The following TMEM200A variants were observed in gnomAD, a reference collection of about 807,000 sequenced individuals.
TMEM200A encodes the protein transmembrane protein 200A, also known as two transmembrane C.
In TMEM200A, 12 loss-of-function variants were observed where a neutral mutation model predicts 24.3. The ratio of observed to expected loss-of-function variants is 0.49; its 90% CI spans 0.32 to 0.80. The LOEUF (loss-of-function observed/expected upper bound fraction) is 0.80. Among genes scored for constraint, TMEM200A ranks in the 30% least tolerant of loss-of-function variants. The pLI, the probability that TMEM200A is intolerant of heterozygous loss-of-function variation, is 0.04. For missense variants in TMEM200A, 545 were observed against 614.4 expected (o/e 0.89, Z 1.19); for synonymous variants, 224 against 224.4 (o/e 1.00, Z 0.02).
intron 1 of TMEM200A, among the ~76,000 whole-genome samples, chr6:130,375,060 T>C (rs1778418319): frequency 6.6e-6 from 1 of 152,182 alleles, no homozygotes; most frequent in Non-Finnish European, 1.5e-5. Flanking sequence ...ACAAAAATAA[T>C]TTACAACTAA....
At chr6:130,380,560 T>C (rs1157800232) in intron 1 of TMEM200A, among the ~76,000 whole-genome samples, 3 of 152,218 alleles carry the variant, frequency 2.0e-5, no homozygotes, top group African/African-American at 7.2e-5. Context: ...ACAACTTTTA[T>C]TGGAGGTTGA....
chr6:130,419,174 GTCTT>G (rs1409756204), intron 2 of TMEM200A, among the ~76,000 whole-genome samples: 6 of 152,084 alleles, frequency 3.9e-5, no homozygotes, highest in Non-Finnish European at 7.4e-5. Flanking sequence ...TGCAATATTT[GTCTT>G]TCTGTGCCAG....
At chr6:130,382,305 C>T (rs900490017) in intron 1 of TMEM200A, among the ~76,000 whole-genome samples, 1 of 152,170 alleles carries the variant, frequency 6.6e-6, no homozygotes, top group Admixed American at 6.5e-5. Flanking sequence ...TCCCTTTCGG[C>T]TCGCACTTGC....
At chr6:130,440,338 A>C in intron 2 of TMEM200A, 69 bp from the exon 3 acceptor site, 1 of 1,415,758 alleles carries the variant, frequency 7.1e-7, no homozygotes, top group Admixed American at 2.7e-5. Context: ...ACAGTTGTTT[A>C]ATTGAACTGA....
At chr6:130,384,035 G>A (rs540979927) in intron 1 of TMEM200A, among the ~76,000 whole-genome samples, 46 of 152,166 alleles carry the variant, frequency 3.0e-4, no homozygotes, top group African/African-American at 1.1e-3. Flanking sequence ...CACGAGAATC[G>A]CCTGAACCCA....
At chr6:130,372,771 A>G (rs1000231720) in intron 1 of TMEM200A, among the ~76,000 whole-genome samples, 6 of 152,230 alleles carry the variant, frequency 3.9e-5, no homozygotes, top group Non-Finnish European at 8.8e-5. Flanking sequence ...TTGACTGTGT[A>G]TGTATGTACA....
chr6:130,419,499 G>A (rs1417018206), intron 2 of TMEM200A, among the ~76,000 whole-genome samples: 2 of 152,134 alleles, frequency 1.3e-5, no homozygotes, highest in Admixed American at 1.3e-4. Flanking sequence ...TGTCCATACT[G>A]TTTCGCATAG....
intron 2 of TMEM200A, among the ~76,000 whole-genome samples, chr6:130,406,878 C>A (rs1208029184): frequency 6.6e-6 from 1 of 152,158 alleles, no homozygotes; most frequent in African/African-American, 2.4e-5. Context: ...CTTGTTTGAT[C>A]TCTTGATGGC....
At chr6:130,420,187 GT>G (rs1562566437) in intron 2 of TMEM200A, among the ~76,000 whole-genome samples, 1 of 152,090 alleles carries the variant, frequency 6.6e-6, no homozygotes, top group Non-Finnish European at 1.5e-5. Flanking sequence ...TTAGTAAGTT[GT>G]TTTAATCTCT....
Position 130,397,607 on chromosome 6 carries a change from G to T in TMEM200A, c.-17+12371G>T, listed in dbSNP as rs540835912. On this transcript the variant is annotated intron_variant, in intron 2 of 2. Transcript: ENST00000296978. The stretch of plus-strand genomic sequence containing the variant: ...CATTCTTTTACTTTGTGTCATTTAT[G>T]TTTTAAATTTGTGGTTTTTTTTGAA... 2.7e-4 allele frequency among the ~76,000 whole-genome samples: 41 copies of T among 149,592 alleles called. 1 individual carries two copies. The highest frequency in any genetic ancestry group is 1.9e-4 in the Non-Finnish European group (13 of 67,758).
At chr6:130,433,681 T>G (rs1040534748) in intron 2 of TMEM200A, among the ~76,000 whole-genome samples, 2 of 152,238 alleles carry the variant, frequency 1.3e-5, no homozygotes, top group African/African-American at 4.8e-5. Flanking sequence ...TGTTTGGTAC[T>G]CAAGGCATAG....
intron 2 of TMEM200A, among the ~76,000 whole-genome samples, chr6:130,398,565 T>C (rs1406067606): frequency 6.6e-6 from 1 of 152,106 alleles, no homozygotes; most frequent in East Asian, 1.9e-4. Context: ...TCCACGCTGC[T>C]TTCCACAGTG....
At chr6:130,387,769 G>A (rs1778743785) in intron 2 of TMEM200A, among the ~76,000 whole-genome samples, 2 of 152,156 alleles carry the variant, frequency 1.3e-5, no homozygotes, top group Admixed American at 6.5e-5. Flanking sequence ...AAACAGTTAT[G>A]CATGAGGCTC....
intron 2 of TMEM200A, among the ~76,000 whole-genome samples, chr6:130,401,415 CTCTT>C (rs1256668056): frequency 6.8e-5 from 10 of 147,622 alleles, no homozygotes; most frequent in East Asian, 2.0e-4. Context: ...TTCTTTCTTT[CTCTT>C]TCTTTCTTTC....
intron 1 of TMEM200A, among the ~76,000 whole-genome samples, chr6:130,380,471 A>G (rs1331294462): frequency 6.6e-6 from 1 of 152,260 alleles, no homozygotes; most frequent in African/African-American, 2.4e-5. Flanking sequence ...AAGTGATTGA[A>G]TAGCTAGCAG....
chr6:130,433,277 C>T (rs1256269531), intron 2 of TMEM200A, among the ~76,000 whole-genome samples: 6 of 151,838 alleles, frequency 4.0e-5, no homozygotes, highest in Admixed American at 3.9e-4. Context: ...GCTGGGATTA[C>T]AGATGCCCAC....
At chr6:130,421,541 C>A (rs886664085) in intron 2 of TMEM200A, among the ~76,000 whole-genome samples, 1 of 108,376 alleles carries the variant, frequency 9.2e-6, no homozygotes, top group Non-Finnish European at 1.9e-5. Flanking sequence ...TGTGTGCATG[C>A]GTACATGTTA....
At chr6:130,400,805 A>G (rs910049701) in intron 2 of TMEM200A, among the ~76,000 whole-genome samples, 24 of 152,034 alleles carry the variant, frequency 1.6e-4, no homozygotes, top group Non-Finnish European at 7.4e-5. Flanking sequence ...TCTTTTTGAC[A>G]TAATTGACTG....
chr6:130,385,689 AAGG>A lies in TMEM200A; in HGVS notation c.-17+457_-17+459del, dbSNP rs569077598. ...ATTACATTTGTTCTGCTTGGAATAA[AAGG>A]AGGTTTATACCTTGTAACCTGTAAT... On this transcript the variant is annotated intron_variant, in intron 2 of 2. Coordinates refer to ENST00000296978, the MANE Select transcript of TMEM200A (RefSeq NM_001258277.2). Among the ~76,000 whole-genome samples the A allele has an allele frequency of 9.6e-4, 146 of 152,320 alleles. 1 individual carries two copies. The highest frequency in any genetic ancestry group is 3.2e-3 in the African/African-American group (133 of 41,574).
Sources: gnomAD v4.1 joint callset for allele counts (sites outside exome capture counted in the v4.1 genomes callset) on GRCh38, gnomAD v4.1.1 for gene constraint, MANE v1.5 for transcripts, NCBI Gene and HGNC (gene_info 2026-07-23, HGNC 2026-07-21) for gene names.